Variants in FER1L6 observed in about 807,000 individuals in gnomAD.
The protein encoded by FER1L6 is fer-1 like family member 6.
FER1L6 carries 177 observed loss-of-function variants against 219.2 expected under a neutral mutation model. The ratio of observed to expected loss-of-function variants is 0.81; its 90% confidence interval spans 0.71 to 0.91. FER1L6 has a LOEUF of 0.91. Ranked by LOEUF, FER1L6 falls within the 40% of genes least tolerant of loss-of-function variation. The pLI, the probability that FER1L6 is intolerant of heterozygous loss-of-function variation, is 0.00. For missense variants in FER1L6, 2,153 were observed against 2,259.9 expected (o/e 0.95, Z 0.96); for synonymous variants, 768 against 824.3 (o/e 0.93, Z 1.17).
chr8:123,997,377 T>C (rs867513370), intron 12 of FER1L6, among the ~76,000 whole-genome samples: 2 of 152,208 alleles, frequency 1.3e-5, no homozygotes, highest in South Asian at 4.1e-4. Flanking sequence ...CTGAGAAGTC[T>C]CCTGACAGAT....
intron 1 of FER1L6, among the ~76,000 whole-genome samples, chr8:123,856,292 GTATATA>G (rs1255382948): frequency 1.5e-5 from 1 of 67,464 alleles, no homozygotes; most frequent in South Asian, 5.9e-4. Flanking sequence ...ATGTGTGTGT[GTATATA>G]TATATATATA....
At chr8:123,958,485 GCTCT>G (rs1005710810) in intron 2 of FER1L6, among the ~76,000 whole-genome samples, 2 of 151,912 alleles carry the variant, frequency 1.3e-5, no homozygotes, top group African/African-American at 4.8e-5. Context: ...TCCAGTAACT[GCTCT>G]CTCTCTCTGC....
chr8:123,902,995 G>A (rs1812886181), intron 1 of FER1L6, among the ~76,000 whole-genome samples: 1 of 152,048 alleles, frequency 6.6e-6, no homozygotes, highest in Non-Finnish European at 1.5e-5. Flanking sequence ...TGGTTGTTTG[G>A]TAATGGCAAA....
chr8:123,884,520 G>T (rs1817165365), intron 1 of FER1L6, among the ~76,000 whole-genome samples: 1 of 152,218 alleles, frequency 6.6e-6, no homozygotes, highest in Non-Finnish European at 1.5e-5. Flanking sequence ...TTTTGGCCTT[G>T]TGGAGCATTC....
intron 33 of FER1L6, among the ~76,000 whole-genome samples, chr8:124,086,597 T>C (rs1296742032): frequency 6.6e-6 from 1 of 152,228 alleles, no homozygotes; most frequent in African/African-American, 2.4e-5. Context: ...CATATGTTCA[T>C]CTTTCCACTT....
intron 13 of FER1L6, 103 bp downstream of exon 13, chr8:124,003,450 C>CTT: frequency 4.2e-6 from 1 of 240,334 alleles, no homozygotes; most frequent in South Asian, 1.2e-4. Flanking sequence ...TCAGAAATGT[C>CTT]CTTTTTTTTT....
chr8:124,059,864 T>C (rs1820479102), intron 22 of FER1L6, among the ~76,000 whole-genome samples: 1 of 152,172 alleles, frequency 6.6e-6, no homozygotes, highest in Admixed American at 6.5e-5. Flanking sequence ...CTGTGGTTCT[T>C]GTGTAATTTT....
intron 18 of FER1L6, among the ~76,000 whole-genome samples, chr8:124,033,725 T>C (rs2130699247): frequency 6.6e-6 from 1 of 152,380 alleles, no homozygotes; most frequent in South Asian, 2.1e-4. Context: ...GTTCACATGC[T>C]TTCCTCTCTT....
At chr8:124,107,980 T>C (rs1238015838) in intron 39 of FER1L6, among the ~76,000 whole-genome samples, 2 of 152,208 alleles carry the variant, frequency 1.3e-5, no homozygotes, top group East Asian at 1.9e-4. Flanking sequence ...GCTTTCTGGA[T>C]TGTCCTAGGG....
chr8:124,064,568 C>T lies in FER1L6; in HGVS notation c.3550C>T (p.Pro1184Ser). Reference protein sequence around the residue: ...VAQEPPKDGKPKDPRKPSRRS... With the variant: ...VAQEPPKDGKSKDPRKPSRRS... ...CCAGGAGCCACCAAAAGATGGAAAA[C>T]CTAAGGTCAGACTAAAATCCCTCTC... The change falls in exon 26 of 41, where the codon CCT (proline) becomes TCT (serine). Residue 1184 changes from proline to serine, a missense_variant. Physicochemically the swap from Pro to Ser is moderately conservative, Grantham distance 74 (BLOSUM62 -1). Transcript: ENST00000522917. The T allele has an allele frequency of 6.2e-7, 1 of 1,610,498 alleles. No homozygotes were observed. Among genetic ancestry groups the T allele is most frequent in the Non-Finnish European group, 8.5e-7 (1 of 1,179,126 alleles).
At chr8:123,910,277 G>T (rs73706303) in intron 1 of FER1L6, among the ~76,000 whole-genome samples, 97 of 152,330 alleles carry the variant, frequency 6.4e-4, no homozygotes, top group African/African-American at 2.2e-3. Flanking sequence ...CTCCTGTAGA[G>T]AATTTGACTG....
chr8:124,035,617 T>C (rs76975137), intron 19 of FER1L6, among the ~76,000 whole-genome samples, 163 bp downstream of exon 19: 3,893 of 152,338 alleles, frequency 0.026, 176 homozygotes, highest in African/African-American at 0.084. Context: ...ACCTTACCTT[T>C]CATTGTCCCA....
At chr8:124,119,066 G>C (rs1157616476) in intron 40 of FER1L6, 122 bp downstream of exon 40, 2 of 749,166 alleles carry the variant, frequency 2.7e-6, no homozygotes, top group African/African-American at 3.5e-5. Flanking sequence ...CCAGGAGGCA[G>C]TCAATTGGTG....
At chr8:123,928,968 T>C (rs35029669) in intron 1 of FER1L6, among the ~76,000 whole-genome samples, 8,541 of 152,116 alleles carry the variant, frequency 0.056, 778 homozygotes, top group African/African-American at 0.19. Flanking sequence ...ACCAGTGAAA[T>C]AGGTATTATT....
chr8:123,912,417 G>T (rs1342346780), intron 1 of FER1L6, among the ~76,000 whole-genome samples: 1 of 152,154 alleles, frequency 6.6e-6, no homozygotes, highest in East Asian at 1.9e-4. Context: ...TTTTGCACCT[G>T]TAGGGGCTTG....
At chr8:123,976,201 T>A (rs1816065319) in intron 9 of FER1L6, 117 bp downstream of exon 9, 6 of 931,682 alleles carry the variant, frequency 6.4e-6, no homozygotes, top group Non-Finnish European at 9.4e-6. Context: ...AGCAAAAGCT[T>A]GTTACAAAAA....
At chr8:123,996,237 T>C (rs564935554) in intron 12 of FER1L6, among the ~76,000 whole-genome samples, 2 of 152,272 alleles carry the variant, frequency 1.3e-5, no homozygotes, top group East Asian at 3.9e-4. Flanking sequence ...ATTTTTCCAG[T>C]GCTGAAAGTA....
chr8:123,939,422 A>C (rs1814139290), intron 1 of FER1L6, among the ~76,000 whole-genome samples: 1 of 152,158 alleles, frequency 6.6e-6, no homozygotes, highest in Non-Finnish European at 1.5e-5. Context: ...GTCCTCCAAA[A>C]AGCAGGTTCC....
At position 123,970,099 on chromosome 8, in the gene FER1L6, T is replaced by C. The variant is rs1436843557; in HGVS notation, c.447+2T>C. On this transcript the variant is annotated splice_donor_variant, in intron 6 of 40. Transcript: ENST00000522917. LOFTEE classifies it high-confidence loss of function. ...TTTGACAAGATCATCAAAATCTCCG[T>C]AAGTATAGCATTGGTGGTAATAGTT... 1.9e-6 allele frequency: 3 copies of C among 1,613,480 alleles called. No homozygotes were observed. Among genetic ancestry groups the C allele is most frequent in the African/African-American group, 1.3e-5 (1 of 74,910 alleles).
Sources: gnomAD v4.1 joint callset for allele counts (sites outside exome capture counted in the v4.1 genomes callset) on GRCh38, gnomAD v4.1.1 for gene constraint, MANE v1.5 for transcripts, NCBI Gene and HGNC (gene_info 2026-07-23, HGNC 2026-07-21) for gene names.